Variants in PTPRG observed in about 807,000 individuals in gnomAD.
PTPRG encodes receptor-type tyrosine-protein phosphatase gamma.
Under a neutral mutation model 165.3 loss-of-function variants are expected in PTPRG, and 102 were observed. That is an observed-to-expected ratio of 0.62 (90% CI 0.53 to 0.73). The LOEUF (loss-of-function observed/expected upper bound fraction) is 0.73. Ranked by LOEUF, PTPRG falls within the 30% of genes least tolerant of loss-of-function variation. PTPRG has a pLI of 0.00. For missense variants in PTPRG, 1,866 were observed against 1,861.4 expected, an observed-to-expected ratio of 1.00 and a Z score of -0.05; for synonymous variants, 675 against 669.5, an observed-to-expected ratio of 1.01 and a Z score of -0.13.
chr3:61,702,748 A>AGGTCTTTT (rs2031039962), intron 1 of PTPRG, among the ~76,000 whole-genome samples: 2 of 152,252 alleles, frequency 1.3e-5, no homozygotes, highest in Admixed American at 1.3e-4. Flanking sequence ...CACATAACTT[A>AGGTCTTTT]GGGAACTCTT....
chr3:62,212,209 A>G (rs1364941419), intron 12 of PTPRG, among the ~76,000 whole-genome samples: 2 of 152,118 alleles, frequency 1.3e-5, no homozygotes, highest in East Asian at 3.9e-4. Context: ...CTGGCCTCAC[A>G]TCACCCTCTG....
At chr3:62,150,562 A>G (rs551856466) in intron 6 of PTPRG, among the ~76,000 whole-genome samples, 30 of 152,126 alleles carry the variant, frequency 2.0e-4, no homozygotes, top group Non-Finnish European at 4.1e-4. Context: ...TTAATGCCCA[A>G]TTCTTTCCAC....
intron 1 of PTPRG, among the ~76,000 whole-genome samples, chr3:61,724,910 TA>T (rs2032195247): frequency 6.6e-6 from 1 of 152,180 alleles, no homozygotes; most frequent in African/African-American, 2.4e-5. Flanking sequence ...AAATATTTTT[TA>T]TCAGTATAGA....
chr3:61,657,615 C>A (rs906223423), intron 1 of PTPRG, among the ~76,000 whole-genome samples: 1 of 152,124 alleles, frequency 6.6e-6, no homozygotes, highest in African/African-American at 2.4e-5. Flanking sequence ...ATTGATGATG[C>A]CTTTGATTTG....
chr3:61,762,819 TG>T (rs2033897797), intron 2 of PTPRG, among the ~76,000 whole-genome samples: 1 of 152,098 alleles, frequency 6.6e-6, no homozygotes, highest in Non-Finnish European at 1.5e-5. Context: ...AGGACACCTC[TG>T]GGCAGCACCT....
chr3:62,072,660 T>C (rs1370664292), intron 4 of PTPRG, among the ~76,000 whole-genome samples: 1 of 151,796 alleles, frequency 6.6e-6, no homozygotes, highest in Non-Finnish European at 1.5e-5. Context: ...ATGTATATCA[T>C]ATATAGTATC....
At chr3:61,889,622 C>CGTT (rs1437841442) in intron 2 of PTPRG, among the ~76,000 whole-genome samples, 1 of 152,078 alleles carries the variant, frequency 6.6e-6, no homozygotes, top group Non-Finnish European at 1.5e-5. Context: ...ATGCTTGAGT[C>CGTT]GTTAGCTCAT....
chr3:62,269,052 T>C lies in PTPRG; in HGVS notation c.2892T>C (p.Tyr964=), dbSNP rs371427951. 7 of 1,593,554 alleles carry C rather than the reference T, an allele frequency of 4.4e-6. No homozygotes were observed. The highest frequency in any genetic ancestry group is 6.0e-6 in the Non-Finnish European group (7 of 1,165,500). The change falls in exon 20 of 30, where the codon TAT becomes TAC. Residue 964 remains tyrosine, a synonymous_variant. Transcript: ENST00000474889. ...VEKGRRKCDQ[Y]WPTENSEEYG... ...TTCTGCAGCGAAAATGTGATCAGTA[T>C]TGGCCAACAGAGAACAGTGAGGAAT...
chr3:62,125,040 G>C (rs911409269), intron 5 of PTPRG, among the ~76,000 whole-genome samples: 1 of 152,116 alleles, frequency 6.6e-6, no homozygotes, highest in Non-Finnish European at 1.5e-5. Context: ...CATATTGGTT[G>C]AATCAATGAG....
At chr3:62,286,946 A>AAAG (rs897780208) in intron 28 of PTPRG, among the ~76,000 whole-genome samples, 2 of 152,118 alleles carry the variant, frequency 1.3e-5, no homozygotes, top group African/African-American at 4.8e-5. Flanking sequence ...AAGATATTTA[A>AAAG]AAGTATCTGT....
At chr3:61,703,448 C>G (rs182161431) in intron 1 of PTPRG, among the ~76,000 whole-genome samples, 1 of 152,102 alleles carries the variant, frequency 6.6e-6, no homozygotes. Context: ...GGCTTTATTT[C>G]GTAGTATGGG....
At chr3:62,148,076 G>A (rs1443347270) in intron 6 of PTPRG, among the ~76,000 whole-genome samples, 3 of 152,172 alleles carry the variant, frequency 2.0e-5, no homozygotes, top group African/African-American at 7.2e-5. Context: ...AACCCGGGAG[G>A]TGGAGGTTGC....
chr3:61,588,261 G>T (rs994108727), intron 1 of PTPRG, among the ~76,000 whole-genome samples: 1 of 152,078 alleles, frequency 6.6e-6, no homozygotes, highest in African/African-American at 2.4e-5. Flanking sequence ...TACTCTTACT[G>T]CAGGGAGAAA....
intron 5 of PTPRG, chr3:62,124,232 G>C: frequency 3.5e-6 from 4 of 1,153,918 alleles, no homozygotes; most frequent in Non-Finnish European, 5.2e-6. Flanking sequence ...CCTGTCATTT[G>C]ACATTAACTC....
chr3:61,698,846 A>G (rs1170103022), intron 1 of PTPRG, among the ~76,000 whole-genome samples: 1 of 152,226 alleles, frequency 6.6e-6, no homozygotes, highest in East Asian at 1.9e-4. Context: ...GCCATAAAAA[A>G]TGATGAGTTC....
In PTPRG at chr3:61,767,249, A is replaced by AAAAAAAAAAC. The variant is rs1487210457; in HGVS notation, c.190+18275_190+18276insACAAAAAAAA. ...CAGCAAGATTCCATCTCAAAAAAAA[A>AAAAAAAAAAC]AAAAAAAAGAAAGTAGAATTATCAA... On this transcript the variant is annotated intron_variant, in intron 2 of 29. Transcript: ENST00000474889. Among the ~76,000 whole-genome samples the AAAAAAAAAAC allele has an allele frequency of 6.0e-5, 9 of 148,968 alleles. 1 individual carries two copies. Among genetic ancestry groups the AAAAAAAAAAC allele is most frequent in the African/African-American group, 2.2e-4 (9 of 41,194 alleles).
At chr3:61,658,241 C>T (rs1481897999) in intron 1 of PTPRG, among the ~76,000 whole-genome samples, 4 of 152,148 alleles carry the variant, frequency 2.6e-5, no homozygotes, top group Admixed American at 6.5e-5. Flanking sequence ...AGCAGGCACC[C>T]GGTGCCTGTG....
chr3:61,980,169 T>G (rs1215539270), intron 2 of PTPRG, among the ~76,000 whole-genome samples: 5 of 152,182 alleles, frequency 3.3e-5, no homozygotes, highest in Non-Finnish European at 7.3e-5. Flanking sequence ...CTGGCCGTGT[T>G]TAAACCAGAC....
chr3:61,672,872 G>C (rs1332542491), intron 1 of PTPRG, among the ~76,000 whole-genome samples: 1 of 151,618 alleles, frequency 6.6e-6, no homozygotes, highest in Non-Finnish European at 1.5e-5. Context: ...GAGTCTAAAA[G>C]TTGGGACCCG....
Sources: allele counts gnomAD v4.1 joint callset (sites outside exome capture counted in the v4.1 genomes callset), GRCh38; gene constraint gnomAD v4.1.1; transcripts MANE v1.5; gene names NCBI Gene and HGNC (gene_info 2026-07-23, HGNC 2026-07-21).